APOL2: variants seen among roughly 807,000 people sequenced by gnomAD.
APOL2 encodes apolipoprotein L, 2.
In APOL2, 8 loss-of-function variants were observed where a neutral mutation model predicts 7.1. The observed-to-expected ratio is 1.12, with a 90% CI of 0.66 to 2.03. The LOEUF (loss-of-function observed/expected upper bound fraction) is 2.03, where lower values mean the gene tolerates loss of function less well. Among genes scored for constraint, APOL2 ranks in the 30% most tolerant of loss-of-function variants. The pLI is 0.00. For missense variants in APOL2, 471 were observed against 415.1 expected, an observed-to-expected ratio of 1.13 and a Z score of -1.17; for synonymous variants, 177 against 159.9, an observed-to-expected ratio of 1.11 and a Z score of -0.81.
chr22:36,227,176 C>G lies in APOL2; in HGVS notation c.*228G>C, dbSNP rs552218497. On this transcript the variant is annotated 3_prime_UTR_variant, in exon 5 of 5. Coordinates refer to ENST00000358502, the MANE Select transcript of APOL2 (RefSeq NM_030882.4). ...TGAAAATACAAAAAAATTAGCCGGG[C>G]GTGGTGGCAGGTGCCTGTAGTCCCA... 2 of 438,964 alleles carry G rather than the reference C, an allele frequency of 4.6e-6. No individual in the cohort carries two copies. The highest frequency in any genetic ancestry group is 2.0e-5 in the African/African-American group (1 of 49,404). 27.2% of individuals were successfully genotyped at this position (438,964 alleles called of 1,614,324 possible).
In APOL2 at chr22:36,227,893, C is replaced by A. The variant is rs780139994; in HGVS notation, c.525G>T (p.Leu175Phe). The A allele has an allele frequency of 8.1e-6, 13 of 1,614,118 alleles. No individual in the cohort carries two copies. In the East Asian group the frequency reaches 2.4e-4, roughly 30 times the overall value. The change falls in exon 5 of 5, where the codon TTG becomes TTT. Residue 175 changes from leucine to phenylalanine, a missense_variant. Transcript: ENST00000358502. ...AGTTGCGGGCTTGGGCTCGTGCCCG[C>A]AATTTGTTTACTAGTTCTACCACAC... ...TCSVVELVNK[L>F]RARAQARNLD...
At chr22:36,230,760 C>T (rs962786712) in intron 4 of APOL2, among the ~76,000 whole-genome samples, 3 of 151,612 alleles carry the variant, frequency 2.0e-5, no homozygotes, top group Non-Finnish European at 4.4e-5. Context: ...AACTAGGCCT[C>T]TCAGGATCCT....
At chr22:36,234,993 T>C (rs2157249) in intron 1 of APOL2, among the ~76,000 whole-genome samples, 42,981 of 152,064 alleles carry the variant, frequency 0.28, 6,857 homozygotes, top group Non-Finnish European at 0.35. Context: ...AGATCAGAGA[T>C]GCCAAGAGAT....
At chr22:36,234,344 A>G (rs1007365446) in intron 1 of APOL2, 7 of 152,200 alleles carry the variant, frequency 4.6e-5, no homozygotes, top group African/African-American at 1.7e-4. Context: ...TTCTTCAGGA[A>G]AACAAAACAA....
chr22:36,229,719 G>A (rs1341744953), intron 4 of APOL2, among the ~76,000 whole-genome samples: 1 of 152,202 alleles, frequency 6.6e-6, no homozygotes, highest in Admixed American at 6.5e-5. Flanking sequence ...AGGTAAGGGT[G>A]CCCTCAGACA....
chr22:36,227,461 C>T lies in APOL2; in HGVS notation c.957G>A (p.Gly319=), dbSNP rs761691814. 1.2e-6 allele frequency: 2 copies of T among 1,613,844 alleles called. No homozygotes were observed. Among genetic ancestry groups the T allele is most frequent in the East Asian group, 2.2e-5 (1 of 44,882 alleles). The change falls in exon 5 of 5, where the codon GGG becomes GGA. Residue 319 remains glycine, a synonymous_variant. Coordinates refer to ENST00000358502, the MANE Select transcript of APOL2 (RefSeq NM_030882.4). ...ELKKRAQELE[G]KLNFLTKIHE... is the part of the protein sequence containing the mutation. ...GGATCTTGGTGAGAAAGTTGAGCTT[C>T]CCCTCCAGCTCCTGAGCCCGCTTCT...
Position 36,227,590 on chromosome 22 carries a change from A to G in APOL2, c.828T>C (p.Gly276=). The part of the protein sequence containing the change: ...QAMSRGTMIV[G]AATGGILLLL... ...GAAGCAAGATGCCTCCAGTGGCTGC[A>G]CCCACGATCATGGTTCCTCTGCTCA... The change falls in exon 5 of 5, where the codon GGT becomes GGC. Residue 276 remains glycine (G), a synonymous_variant. Coordinates refer to ENST00000358502, the MANE Select transcript of APOL2 (RefSeq NM_030882.4). 4 of 1,614,214 alleles carry G rather than the reference A, an allele frequency of 2.5e-6. No individual in the cohort carries two copies. The highest frequency in any genetic ancestry group is 3.4e-6 in the Non-Finnish European group (4 of 1,180,044).
At chr22:36,230,817 G>T (rs1416158672) in intron 4 of APOL2, among the ~76,000 whole-genome samples, 3 of 152,092 alleles carry the variant, frequency 2.0e-5, no homozygotes, top group Non-Finnish European at 4.4e-5. Context: ...CTTCAGATGA[G>T]AAAAAAGGCC....
intron 2 of APOL2, 51 bp from the exon 3 acceptor site, chr22:36,233,292 C>A: frequency 1.2e-6 from 2 of 1,600,646 alleles, no homozygotes; most frequent in South Asian, 2.2e-5. Flanking sequence ...CTCCTGTGTA[C>A]AGAGGGAGGC....
chr22:36,228,364 A>C (rs1483674103), intron 4 of APOL2, 84 bp from the exon 5 acceptor site: 1 of 1,495,432 alleles, frequency 6.7e-7, no homozygotes, highest in Non-Finnish European at 9.0e-7. Context: ...TCCTGTGTAA[A>C]TTGCAGAGCT....
At chr22:36,239,538 G>A (rs1382421989), upstream of APOL2, 33 of 1,576,498 alleles carry the variant, frequency 2.1e-5, no homozygotes, top group East Asian at 1.1e-4. Flanking sequence ...AACCAGACAC[G>A]TCCTCCGGCC....
chr22:36,232,042 A>T (rs2015242751), intron 3 of APOL2, among the ~76,000 whole-genome samples: 1 of 152,248 alleles, frequency 6.6e-6, no homozygotes, highest in East Asian at 1.9e-4. Context: ...TCTCTCCTGG[A>T]TTCGGAGAAC....
intron 3 of APOL2, among the ~76,000 whole-genome samples, chr22:36,231,905 C>T (rs1252227753): frequency 6.6e-6 from 1 of 152,356 alleles, no homozygotes; most frequent in East Asian, 1.9e-4. Context: ...GCCCAACTGG[C>T]TCTTCTGAGT....
chr22:36,231,578 C>T (rs1008658267), intron 3 of APOL2, 112 bp from the exon 4 acceptor site: 88 of 1,341,870 alleles, frequency 6.6e-5, no homozygotes, highest in Non-Finnish European at 8.6e-5. Context: ...TGATGTGGGA[C>T]ATGTTTGATG....
At chr22:36,233,103 C>G (rs752972724) in intron 3 of APOL2, 50 bp downstream of exon 3, 1 of 1,580,812 alleles carries the variant, frequency 6.3e-7, no homozygotes, top group East Asian at 2.2e-5. Context: ...GTGCCACCCT[C>G]CATTCTAGGT....
intron 1 of APOL2, among the ~76,000 whole-genome samples, chr22:36,234,489 G>A (rs1046538149): frequency 3.3e-5 from 5 of 152,108 alleles, no homozygotes; most frequent in East Asian, 1.9e-4. Context: ...CACGACACCC[G>A]GCCTGAATAA....
chr22:36,227,713 C>T lies in APOL2; in HGVS notation c.705G>A (p.Gln235=), dbSNP rs1174328972. ...GCGGGGGTGGGGCATACGCTCCTAACTGAGGGTTGGCTCTGGCTCGTCTGA... is the reference window on the plus strand; with the variant it reads ...GCGGGGGTGGGGCATACGCTCCTAATTGAGGGTTGGCTCTGGCTCGTCTGA... ...RAIRRARANP[Q]LGAYAPPPHV... is the part of the protein sequence containing the mutation. Residue 235 remains glutamine (Q), a synonymous_variant, in exon 5 of 5, where the codon CAG becomes CAA. Coordinates refer to ENST00000358502, the MANE Select transcript of APOL2 (RefSeq NM_030882.4). 3 of 1,614,124 alleles carry T rather than the reference C, an allele frequency of 1.9e-6. No homozygotes were observed. Among genetic ancestry groups the T allele is most frequent in the East Asian group, 2.2e-5 (1 of 44,904 alleles).
At chr22:36,230,175 G>A (rs1208027600) in intron 4 of APOL2, among the ~76,000 whole-genome samples, 1 of 152,178 alleles carries the variant, frequency 6.6e-6, no homozygotes, top group Non-Finnish European at 1.5e-5. Context: ...TTTCCTCCTC[G>A]GTTGGGACTT....
At chr22:36,231,239 G>C (rs1436239085) in intron 4 of APOL2, 101 bp downstream of exon 4, 3 of 1,479,676 alleles carry the variant, frequency 2.0e-6, no homozygotes, top group Non-Finnish European at 2.8e-6. Flanking sequence ...CCAGCAGAGG[G>C]GGCTGCCTGG....
Sources: allele counts gnomAD v4.1 joint callset (sites outside exome capture counted in the v4.1 genomes callset), GRCh38; gene constraint gnomAD v4.1.1; transcripts MANE v1.5; gene names NCBI Gene and HGNC (gene_info 2026-07-23, HGNC 2026-07-21).